Variants in SOX5 observed in about 807,000 individuals in gnomAD.
SOX5 encodes transcription factor SOX-5.
In SOX5, 9 loss-of-function variants were observed where a neutral mutation model predicts 92.0. That is an observed-to-expected ratio of 0.10 (90% CI 0.06 to 0.17). SOX5 has a LOEUF of 0.17. Ranked by LOEUF, SOX5 falls within the 10% of genes least tolerant of loss-of-function variation. The probability of loss-of-function intolerance (pLI) is 1.00; values close to 1 mark genes in which losing one functional copy is unlikely to be tolerated. For synonymous variants in SOX5, 344 were observed against 336.3 expected, an observed-to-expected ratio of 1.02 and a Z score of -0.25; for missense variants, 642 against 944.5, an observed-to-expected ratio of 0.68 and a Z score of 4.20.
At chr12:24,129,240 A>G (rs1949411633) in intron 4 of SOX5, among the ~76,000 whole-genome samples, 1 of 152,234 alleles carries the variant, frequency 6.6e-6, no homozygotes, top group Non-Finnish European at 1.5e-5. Flanking sequence ...CCTTATTGTC[A>G]TTAGCAACAT....
intron 4 of SOX5, among the ~76,000 whole-genome samples, chr12:24,055,437 A>G (rs1957997926): frequency 6.6e-6 from 1 of 152,254 alleles, no homozygotes; most frequent in Non-Finnish European, 1.5e-5. Flanking sequence ...ATTAAAAATC[A>G]GAAAGGAAAG....
intron 4 of SOX5, among the ~76,000 whole-genome samples, chr12:24,078,405 C>G (rs765126253): frequency 2.0e-5 from 3 of 152,026 alleles, no homozygotes; most frequent in African/African-American, 4.8e-5. Flanking sequence ...CTGTGATTAC[C>G]TGGACAAGGG....
chr12:23,951,024 A>T (rs2139849650), upstream of SOX5: 3 of 651,614 alleles, frequency 4.6e-6, no homozygotes, highest in East Asian at 5.6e-5. Flanking sequence ...CACGCTCTCC[A>T]CTCCTACTGG....
chr12:24,392,360 C>G (rs940614374), intron 1 of SOX5, among the ~76,000 whole-genome samples: 1 of 152,178 alleles, frequency 6.6e-6, no homozygotes, highest in Non-Finnish European at 1.5e-5. Flanking sequence ...AGTGATCTTA[C>G]TATGCCTTCC....
At chr12:23,860,304 T>A (rs117475516) in intron 2 of SOX5, among the ~76,000 whole-genome samples, 11,643 of 150,064 alleles carry the variant, frequency 0.078, 575 homozygotes, top group Middle Eastern at 0.13. Flanking sequence ...AAAATAAATT[T>A]AAAAAAAAAA....
At chr12:23,772,204 T>C (rs1282237258) in intron 3 of SOX5, among the ~76,000 whole-genome samples, 1 of 152,272 alleles carries the variant, frequency 6.6e-6, no homozygotes, top group Non-Finnish European at 1.5e-5. Flanking sequence ...ATCAGGTAGC[T>C]GTGAAGACGT....
intron 4 of SOX5, among the ~76,000 whole-genome samples, chr12:24,073,975 T>C (rs1366753574): frequency 6.6e-6 from 1 of 152,184 alleles, no homozygotes; most frequent in Non-Finnish European, 1.5e-5. Flanking sequence ...ATCAGATTAC[T>C]TCTTGATAGA....
chr12:24,270,198 T>C (rs1943550001), intron 3 of SOX5, among the ~76,000 whole-genome samples: 1 of 152,012 alleles, frequency 6.6e-6, no homozygotes. Flanking sequence ...GTGGCTGAGA[T>C]TACAGGCACC....
At chr12:23,585,723 TAACA>T (rs1950625331) in intron 9 of SOX5, among the ~76,000 whole-genome samples, 2 of 152,090 alleles carry the variant, frequency 1.3e-5, no homozygotes. Flanking sequence ...AAAACATTTC[TAACA>T]AAAAGCACCC....
chr12:23,607,308 G>T (rs566212093), intron 8 of SOX5, among the ~76,000 whole-genome samples: 1 of 152,168 alleles, frequency 6.6e-6, no homozygotes, highest in Admixed American at 6.6e-5. Context: ...CCGTCTTAGA[G>T]AATTTAACAT....
At chr12:24,539,852 T>G (rs997894231) in intron 1 of SOX5, among the ~76,000 whole-genome samples, 1 of 152,140 alleles carries the variant, frequency 6.6e-6, no homozygotes, top group Non-Finnish European at 1.5e-5. Context: ...CGCAGAGTTC[T>G]TAAAATAAGA....
chr12:24,413,726 C>T lies in SOX5; in HGVS notation c.-250-45087G>A, dbSNP rs569989701. The stretch of plus-strand genomic sequence containing the variant: ...GATAACAAATAAATGGCCCAGTCAT[C>T]GATATTATTGCAGACACTAGCCCAC... On this transcript the variant is annotated intron_variant, in intron 1 of 4. Transcript: ENST00000446891. Among the ~76,000 whole-genome samples the T allele has an allele frequency of 6.6e-5, 10 of 152,226 alleles. No individual in the cohort carries two copies. In the South Asian group the frequency reaches 1.9e-3, roughly 28 times the overall value.
chr12:24,437,619 G>T (rs1212102147), intron 1 of SOX5, among the ~76,000 whole-genome samples: 1 of 152,090 alleles, frequency 6.6e-6, no homozygotes, highest in Admixed American at 6.5e-5. Flanking sequence ...TCAAAAAGTG[G>T]GTGAAGGATA....
intron 3 of SOX5, among the ~76,000 whole-genome samples, chr12:23,838,719 T>C (rs1236759968): frequency 3.3e-5 from 5 of 152,034 alleles, no homozygotes; most frequent in African/African-American, 4.8e-5. Flanking sequence ...TCAGGTACAA[T>C]AGTGACGTTT....
At chr12:23,722,697 C>A (rs1160668423) in intron 6 of SOX5, among the ~76,000 whole-genome samples, 1 of 152,098 alleles carries the variant, frequency 6.6e-6, no homozygotes, top group Non-Finnish European at 1.5e-5. Flanking sequence ...TCATTTTAAA[C>A]GTCTTTTAGT....
intron 8 of SOX5, among the ~76,000 whole-genome samples, chr12:23,631,971 A>G (rs2078597292): frequency 6.6e-6 from 1 of 152,154 alleles, no homozygotes; most frequent in Non-Finnish European, 1.5e-5. Flanking sequence ...GATTCTCGAC[A>G]AACTGCTGGG....
intron 3 of SOX5, among the ~76,000 whole-genome samples, chr12:23,825,697 T>A (rs1241144602): frequency 2.0e-5 from 3 of 152,222 alleles, no homozygotes; most frequent in Non-Finnish European, 4.4e-5. Flanking sequence ...ACTACTTTAA[T>A]TCTATGTTTT....
At chr12:24,116,720 A>T (rs1413964158) in intron 4 of SOX5, among the ~76,000 whole-genome samples, 1 of 152,188 alleles carries the variant, frequency 6.6e-6, no homozygotes, top group Non-Finnish European at 1.5e-5. Context: ...ATTATAAGAA[A>T]TGTAAATGCT....
chr12:23,656,413 A>G (rs1361852850), intron 7 of SOX5, among the ~76,000 whole-genome samples: 1 of 152,150 alleles, frequency 6.6e-6, no homozygotes, highest in Admixed American at 6.6e-5. Flanking sequence ...AACTGGTTAC[A>G]TGAAAAATTC....
Sources: allele counts gnomAD v4.1 joint callset (sites outside exome capture counted in the v4.1 genomes callset), GRCh38; gene constraint gnomAD v4.1.1; transcripts MANE v1.5; gene names NCBI Gene and HGNC (gene_info 2026-07-23, HGNC 2026-07-21).